The following FNDC3A variants were observed in gnomAD, a reference collection of about 807,000 sequenced individuals.
The protein encoded by FNDC3A is fibronectin type III domain containing 3A.
A neutral mutation model predicts 148.9 loss-of-function variants in FNDC3A; 32 were observed. That is an observed-to-expected ratio of 0.21 (90% confidence interval 0.16 to 0.29). The LOEUF is 0.29. FNDC3A is among the 10% of genes least tolerant of loss of function. The pLI is 1.00. For missense variants in FNDC3A, 1,191 were observed against 1,452.8 expected (o/e 0.82, Z 2.93); for synonymous variants, 472 against 473.6 (o/e 1.00, Z 0.04).
At chr13:49,047,690 T>C (rs1050750684) in intron 2 of FNDC3A, among the ~76,000 whole-genome samples, 3 of 152,210 alleles carry the variant, frequency 2.0e-5, no homozygotes, top group Non-Finnish European at 4.4e-5. Flanking sequence ...ATTCTGGATA[T>C]AGTCCTTTGT....
chr13:49,146,021 C>A, intron 8 of FNDC3A, 86 bp downstream of exon 8: 1 of 955,532 alleles, frequency 1.0e-6, no homozygotes, highest in Non-Finnish European at 1.6e-6. Flanking sequence ...CTCTACTTTT[C>A]CTTCTTCACG....
chr13:49,171,999 A>T (rs2138055744), intron 10 of FNDC3A, 44 bp from the exon 11 acceptor site: 1 of 1,321,266 alleles, frequency 7.6e-7, no homozygotes, highest in East Asian at 2.3e-5. Flanking sequence ...TCATTTATGA[A>T]TGTACTAATT....
chr13:49,189,600 GA>G (rs961351176), intron 17 of FNDC3A, among the ~76,000 whole-genome samples: 34 of 151,734 alleles, frequency 2.2e-4, no homozygotes, highest in African/African-American at 8.2e-4. Flanking sequence ...TTTTAAAAAT[GA>G]AATATAGGCA....
At chr13:49,013,757 C>A in intron 2 of FNDC3A, among the ~76,000 whole-genome samples, 1 of 114,966 alleles carries the variant, frequency 8.7e-6, no homozygotes, top group South Asian at 3.6e-4. Context: ...CTCCCCCCAC[C>A]CCACAACAGT....
At chr13:49,164,567 C>T (rs1188946526) in intron 8 of FNDC3A, among the ~76,000 whole-genome samples, 2 of 151,864 alleles carry the variant, frequency 1.3e-5, no homozygotes, top group Non-Finnish European at 2.9e-5. Context: ...TTTATAGTGT[C>T]TCATATGTCA....
At chr13:49,030,659 C>G (rs1874044889) in intron 2 of FNDC3A, among the ~76,000 whole-genome samples, 2 of 152,048 alleles carry the variant, frequency 1.3e-5, no homozygotes, top group Non-Finnish European at 2.9e-5. Flanking sequence ...ACAAGTTCAG[C>G]AAGGTTGTGG....
chr13:49,025,626 T>C (rs1338307491), intron 2 of FNDC3A, among the ~76,000 whole-genome samples: 2 of 152,094 alleles, frequency 1.3e-5, no homozygotes, highest in African/African-American at 4.8e-5. Flanking sequence ...TTAACATTAG[T>C]CATAAAGTTG....
chr13:49,065,072 CATTT>C (rs1877173189), intron 2 of FNDC3A, among the ~76,000 whole-genome samples: 1 of 152,148 alleles, frequency 6.6e-6, no homozygotes, highest in Non-Finnish European at 1.5e-5. Flanking sequence ...AATCAGCAAA[CATTT>C]ATTTGCTCCA....
At chr13:48,991,901 C>T (rs535767601) in intron 1 of FNDC3A, among the ~76,000 whole-genome samples, 40 of 152,292 alleles carry the variant, frequency 2.6e-4, no homozygotes, top group South Asian at 1.7e-3. Flanking sequence ...ACAACACTTA[C>T]ATTATCATAT....
intron 25 of FNDC3A, among the ~76,000 whole-genome samples, chr13:49,206,639 A>G (rs1361836018): frequency 1.3e-5 from 2 of 152,170 alleles, no homozygotes; most frequent in African/African-American, 2.4e-5. Flanking sequence ...TTCATTTTCC[A>G]TTTCATTGTA....
At chr13:49,117,592 T>C (rs1229394134) in intron 4 of FNDC3A, among the ~76,000 whole-genome samples, 5 of 151,998 alleles carry the variant, frequency 3.3e-5, no homozygotes, top group Non-Finnish European at 7.4e-5. Flanking sequence ...CAACCACAGA[T>C]TGAAAATATT....
intron 2 of FNDC3A, among the ~76,000 whole-genome samples, chr13:49,026,571 A>T (rs970097963): frequency 6.6e-6 from 1 of 152,150 alleles, no homozygotes; most frequent in Non-Finnish European, 1.5e-5. Flanking sequence ...TGGTGTGATC[A>T]TGGCTCACTG....
chr13:49,117,257 C>T (rs1203304199), intron 4 of FNDC3A, among the ~76,000 whole-genome samples: 1 of 152,146 alleles, frequency 6.6e-6, no homozygotes, highest in African/African-American at 2.4e-5. Context: ...CCGGCTTGTA[C>T]ACTCAATGAA....
chr13:49,072,251 G>A (rs1877744975), intron 2 of FNDC3A, among the ~76,000 whole-genome samples: 1 of 151,994 alleles, frequency 6.6e-6, no homozygotes, highest in Admixed American at 6.6e-5. Context: ...CCGGTTTTCT[G>A]AGCACTATTT....
intron 7 of FNDC3A, among the ~76,000 whole-genome samples, chr13:49,144,098 C>G (rs1027164093): frequency 6.6e-5 from 10 of 151,596 alleles, no homozygotes; most frequent in African/African-American, 2.4e-4. Flanking sequence ...CTTCATAGTC[C>G]TATTCACGTT....
chr13:49,178,980 G>A (rs1885170812), intron 14 of FNDC3A, among the ~76,000 whole-genome samples: 2 of 152,078 alleles, frequency 1.3e-5, no homozygotes, highest in African/African-American at 4.8e-5. Flanking sequence ...TCCTGCCTCG[G>A]CCTCCCAGAG....
intron 3 of FNDC3A, among the ~76,000 whole-genome samples, chr13:49,089,598 T>C (rs1220672967): frequency 6.6e-6 from 1 of 152,190 alleles, no homozygotes; most frequent in Non-Finnish European, 1.5e-5. Context: ...GAAATGTGGG[T>C]GGGCTCTGGG....
chr13:49,019,284 G>A (rs990386278), intron 2 of FNDC3A, among the ~76,000 whole-genome samples: 1 of 152,256 alleles, frequency 6.6e-6, no homozygotes, highest in South Asian at 2.1e-4. Context: ...TCTGAGCTAG[G>A]TGCGGGATAT....
chr13:49,044,678 AAAAG>A (rs761510281), intron 2 of FNDC3A: 17 of 234,182 alleles, frequency 7.3e-5, no homozygotes, highest in South Asian at 2.9e-4. Flanking sequence ...TCAAAAAAAA[AAAAG>A]AAAGAAAAAT....
Sources: allele counts gnomAD v4.1 joint callset (sites outside exome capture counted in the v4.1 genomes callset), GRCh38; gene constraint gnomAD v4.1.1; transcripts MANE v1.5; gene names NCBI Gene and HGNC (gene_info 2026-07-23, HGNC 2026-07-21).